Variants in L3MBTL3 observed in about 807,000 individuals in gnomAD.
L3MBTL3 encodes lethal(3)malignant brain tumor-like protein 3.
Under a neutral mutation model 102.3 loss-of-function variants are expected in L3MBTL3, and 27 were observed. That is an observed-to-expected ratio of 0.26 (90% confidence interval 0.19 to 0.36). The LOEUF (loss-of-function observed/expected upper bound fraction) is 0.36, where lower values mean the gene tolerates loss of function less well. L3MBTL3 is among the 10% of genes least tolerant of loss of function. The probability of loss-of-function intolerance (pLI) is 1.00; values close to 1 mark genes in which losing one functional copy is unlikely to be tolerated. For synonymous variants in L3MBTL3, 340 were observed against 320.9 expected (o/e 1.06, Z -0.64); for missense variants, 798 against 955.3 (o/e 0.84, Z 2.17).
At chr6:130,051,774 T>TCAC (rs1347341627) in intron 6 of L3MBTL3, among the ~76,000 whole-genome samples, 1 of 152,222 alleles carries the variant, frequency 6.6e-6, no homozygotes, top group Non-Finnish European at 1.5e-5. Context: ...TTTTGGGAAT[T>TCAC]CTTAGGTAAC....
chr6:130,090,099 A>G (rs992215927), intron 16 of L3MBTL3, among the ~76,000 whole-genome samples: 2 of 152,056 alleles, frequency 1.3e-5, no homozygotes, highest in African/African-American at 4.8e-5. Flanking sequence ...TATCTTGCTG[A>G]CACACGTCTT....
At chr6:130,034,260 T>G (rs1779906885) in intron 2 of L3MBTL3, among the ~76,000 whole-genome samples, 2 of 152,142 alleles carry the variant, frequency 1.3e-5, no homozygotes, top group South Asian at 4.1e-4. Flanking sequence ...TTCTTGACAT[T>G]TGTGAGGTCA....
chr6:130,021,598 A>G (rs930793556), intron 1 of L3MBTL3, among the ~76,000 whole-genome samples: 7 of 152,174 alleles, frequency 4.6e-5, no homozygotes, highest in African/African-American at 1.7e-4. Context: ...TGTTAAGAAA[A>G]CTGCTAAGTT....
At chr6:130,078,817 G>A (rs541284350) in intron 14 of L3MBTL3, among the ~76,000 whole-genome samples, 183 bp downstream of exon 14, 1 of 152,156 alleles carries the variant, frequency 6.6e-6, no homozygotes, top group African/African-American at 2.4e-5. Flanking sequence ...ATGTGCATGG[G>A]TGTGTTGCAG....
At chr6:130,073,362 C>T (rs1782754097) in intron 13 of L3MBTL3, among the ~76,000 whole-genome samples, 2 of 152,132 alleles carry the variant, frequency 1.3e-5, no homozygotes, top group African/African-American at 2.4e-5. Context: ...TGTTTGTCTC[C>T]TTCTGTGCTT....
intron 22 of L3MBTL3, among the ~76,000 whole-genome samples, chr6:130,139,148 T>A (rs141866848): frequency 3.3e-4 from 48 of 145,542 alleles, no homozygotes; most frequent in African/African-American, 1.1e-3. Flanking sequence ...GATTTTCTTT[T>A]CTTCATGGTG....
At chr6:130,058,748 G>A (rs1781693713) in intron 9 of L3MBTL3, among the ~76,000 whole-genome samples, 1 of 152,184 alleles carries the variant, frequency 6.6e-6, no homozygotes, top group Non-Finnish European at 1.5e-5. Flanking sequence ...GTAGACAAGT[G>A]GGCATCGCTA....
chr6:130,037,471 G>A (rs1035746275), intron 2 of L3MBTL3, among the ~76,000 whole-genome samples: 2 of 151,104 alleles, frequency 1.3e-5, no homozygotes, highest in African/African-American at 4.9e-5. Context: ...ATAGGCAGTC[G>A]ATATCATTGC....
chr6:130,022,108 T>A (rs1425880840), intron 1 of L3MBTL3, 119 bp from the exon 2 acceptor site: 2 of 152,258 alleles, frequency 1.3e-5, no homozygotes, highest in Non-Finnish European at 2.9e-5. Context: ...TGGCATGGTG[T>A]AAAATTATGC....
At position 130,051,388 on chromosome 6, in the gene L3MBTL3, T is replaced by C. The variant is rs1781082774; in HGVS notation, c.429T>C (p.Cys143=). The C allele has an allele frequency of 6.2e-7, 1 of 1,613,590 alleles. No homozygotes were observed. Among genetic ancestry groups the C allele is most frequent in the Non-Finnish European group, 8.5e-7 (1 of 1,179,794 alleles). The change falls in exon 6 of 23, where the codon TGT becomes TGC. Residue 143 remains cysteine, a synonymous_variant. Transcript: ENST00000361794. The part of the protein sequence containing the change: ...LSGGNYCSQN[C]ARHIKDKDQK... ...GAGGAAACTATTGCAGCCAGAATTG[T>C]GCTCGGCACATCAAAGATAAGTAGG...
intron 20 of L3MBTL3, among the ~76,000 whole-genome samples, chr6:130,129,116 C>T (rs1786833429): frequency 6.6e-6 from 1 of 152,160 alleles, no homozygotes; most frequent in African/African-American, 2.4e-5. Flanking sequence ...TCAGCTGGTC[C>T]TGTCTGACTT....
intron 10 of L3MBTL3, 59 bp from the exon 11 acceptor site, chr6:130,066,286 GTATATATA>G (rs148263906): frequency 1.5e-5 from 6 of 387,694 alleles, no homozygotes; most frequent in African/African-American, 2.1e-5. Flanking sequence ...TTATTTTTGT[GTATATATA>G]TATATATATG....
At chr6:130,116,477 C>T (rs923967241) in intron 19 of L3MBTL3, among the ~76,000 whole-genome samples, 1 of 152,130 alleles carries the variant, frequency 6.6e-6, no homozygotes, top group Non-Finnish European at 1.5e-5. Context: ...AAGATTCATG[C>T]ACCCAGCTGC....
At chr6:130,090,300 A>G (rs969451056) in intron 16 of L3MBTL3, among the ~76,000 whole-genome samples, 1 of 152,136 alleles carries the variant, frequency 6.6e-6, no homozygotes, top group African/African-American at 2.4e-5. Flanking sequence ...GGTAACTTCT[A>G]GTTGTTTTCT....
At chr6:130,061,107 T>C (rs1392628323) in intron 10 of L3MBTL3, among the ~76,000 whole-genome samples, 1 of 137,864 alleles carries the variant, frequency 7.3e-6, no homozygotes, top group Non-Finnish European at 1.5e-5. Context: ...TTTTTTGAGA[T>C]GGAGTCTCAC....
intron 11 of L3MBTL3, among the ~76,000 whole-genome samples, chr6:130,067,817 C>G (rs1236116877): frequency 6.6e-6 from 1 of 152,134 alleles, no homozygotes; most frequent in Non-Finnish European, 1.5e-5. Context: ...AAGGGGAGGA[C>G]ATTTCCCTTA....
At chr6:130,108,107 G>A (rs1437801116) in intron 19 of L3MBTL3, among the ~76,000 whole-genome samples, 1 of 151,502 alleles carries the variant, frequency 6.6e-6, no homozygotes, top group Non-Finnish European at 1.5e-5. Context: ...TTACTCAATA[G>A]CTCTTCACTT....
chr6:130,093,907 A>T (rs1784202650), intron 17 of L3MBTL3, among the ~76,000 whole-genome samples: 1 of 152,222 alleles, frequency 6.6e-6, no homozygotes, highest in African/African-American at 2.4e-5. Context: ...GTATGTGAGT[A>T]TTCATGCTTT....
In L3MBTL3 at chr6:130,024,683, T is replaced by A. The variant is rs150019166; in HGVS notation, c.-16+2378T>A. Among the ~76,000 whole-genome samples the A allele has an allele frequency of 6.6e-4, 101 of 152,292 alleles. No homozygotes were observed. The East Asian group carries it at 0.015, about 23-fold the overall frequency. Reference sequence around the variant, plus strand: ...TCCCAAGGATGGATAACTTGAGTGATCCCTGCGGTATTGTTTCTACTAGTT... The same window carrying A: ...TCCCAAGGATGGATAACTTGAGTGAACCCTGCGGTATTGTTTCTACTAGTT... On this transcript the variant is annotated intron_variant, in intron 2 of 22. Coordinates refer to ENST00000361794, the MANE Select transcript of L3MBTL3 (RefSeq NM_032438.4).
Sources: allele counts gnomAD v4.1 joint callset (sites outside exome capture counted in the v4.1 genomes callset), GRCh38; gene constraint gnomAD v4.1.1; transcripts MANE v1.5; gene names NCBI Gene and HGNC (gene_info 2026-07-23, HGNC 2026-07-21).